EFNA5: variants seen among roughly 807,000 people sequenced by gnomAD.
EFNA5 encodes the protein ephrin-A5.
A neutral mutation model predicts 22.9 loss-of-function variants in EFNA5; 5 were observed. The ratio of observed to expected loss-of-function variants is 0.22; its 90% CI spans 0.11 to 0.46. The LOEUF is 0.46. Among genes scored for constraint, EFNA5 ranks in the 20% least tolerant of loss-of-function variants. The pLI is 0.99. For synonymous variants in EFNA5, 113 were observed against 112.2 expected, an observed-to-expected ratio of 1.01 and a Z score of -0.04; for missense variants, 237 against 293.3, an observed-to-expected ratio of 0.81 and a Z score of 1.40.
chr5:107,569,559 T>TTATATATATATATATATA (rs70996962), intron 1 of EFNA5, among the ~76,000 whole-genome samples: 47 of 42,442 alleles, frequency 1.1e-3, no homozygotes, highest in Admixed American at 1.6e-3. Context: ...ATATATATAT[T>TTATATATATATATATATA]TATATATATA....
At chr5:107,436,085 A>G (rs1580450316) in intron 1 of EFNA5, among the ~76,000 whole-genome samples, 1 of 152,236 alleles carries the variant, frequency 6.6e-6, no homozygotes, top group Non-Finnish European at 1.5e-5. Context: ...AAATTCACAT[A>G]GCTTTTGCCT....
At chr5:107,421,821 C>T (rs542063939) in intron 2 of EFNA5, among the ~76,000 whole-genome samples, 4 of 147,890 alleles carry the variant, frequency 2.7e-5, no homozygotes, top group Admixed American at 6.8e-5. Context: ...GACAGAGTTT[C>T]GCTCTTGTTG....
chr5:107,446,364 C>A (rs1341450367), intron 1 of EFNA5, among the ~76,000 whole-genome samples: 1 of 152,038 alleles, frequency 6.6e-6, no homozygotes, highest in African/African-American at 2.4e-5. Context: ...TCTCAAAGAT[C>A]CTGCAAAATA....
At chr5:107,381,705 C>A (rs1011255979) in intron 4 of EFNA5, among the ~76,000 whole-genome samples, 3 of 152,092 alleles carry the variant, frequency 2.0e-5, no homozygotes, top group South Asian at 2.1e-4. Context: ...TCTGAATGTA[C>A]CTTTGAAACC....
intron 1 of EFNA5, among the ~76,000 whole-genome samples, chr5:107,507,974 G>T (rs561021142): frequency 3.9e-5 from 6 of 152,188 alleles, no homozygotes; most frequent in African/African-American, 1.4e-4. Context: ...GGACAAGGTG[G>T]GATCTAACCA....
At chr5:107,441,434 C>A (rs116714085) in intron 1 of EFNA5, among the ~76,000 whole-genome samples, 95 of 152,314 alleles carry the variant, frequency 6.2e-4, no homozygotes, top group African/African-American at 2.2e-3. Context: ...TGCAGAAACA[C>A]CTTTTCCTTC....
At chr5:107,640,047 G>A (rs1750469939) in intron 1 of EFNA5, among the ~76,000 whole-genome samples, 1 of 152,146 alleles carries the variant, frequency 6.6e-6, no homozygotes, top group Non-Finnish European at 1.5e-5. Flanking sequence ...AGGAGGTTTG[G>A]GATATGCCTC....
At chr5:107,530,839 G>A (rs1331765353) in intron 1 of EFNA5, among the ~76,000 whole-genome samples, 1 of 152,184 alleles carries the variant, frequency 6.6e-6, no homozygotes, top group Non-Finnish European at 1.5e-5. Context: ...TGCTGTGACT[G>A]GCATACAGTA....
At chr5:107,457,198 C>T (rs960096627) in intron 1 of EFNA5, among the ~76,000 whole-genome samples, 2 of 152,106 alleles carry the variant, frequency 1.3e-5, no homozygotes, top group South Asian at 2.1e-4. Context: ...ATATACAACT[C>T]GCACAATGTT....
At chr5:107,506,564 G>A (rs1304893150) in intron 1 of EFNA5, among the ~76,000 whole-genome samples, 1 of 152,166 alleles carries the variant, frequency 6.6e-6, no homozygotes, top group African/African-American at 2.4e-5. Flanking sequence ...GGGGCCAGAT[G>A]AGCAGGAGCA....
chr5:107,606,049 A>G (rs989548422), intron 1 of EFNA5, among the ~76,000 whole-genome samples: 2 of 152,220 alleles, frequency 1.3e-5, no homozygotes, highest in Admixed American at 1.3e-4. Context: ...ATAGCACTCA[A>G]CAGGGCCCAC....
At chr5:107,577,069 A>G (rs1748942895) in intron 1 of EFNA5, among the ~76,000 whole-genome samples, 1 of 152,172 alleles carries the variant, frequency 6.6e-6, no homozygotes, top group Admixed American at 6.5e-5. Context: ...CTAGTGGCCA[A>G]CTACACCAGT....
At chr5:107,420,889 T>C (rs2112413894) in intron 2 of EFNA5, among the ~76,000 whole-genome samples, 1 of 152,338 alleles carries the variant, frequency 6.6e-6, no homozygotes, top group South Asian at 2.1e-4. Flanking sequence ...ATCCATATTA[T>C]GGAAAACTTG....
intron 1 of EFNA5, among the ~76,000 whole-genome samples, chr5:107,462,179 A>C (rs1420431388): frequency 6.6e-6 from 1 of 152,176 alleles, no homozygotes; most frequent in African/African-American, 2.4e-5. Flanking sequence ...TGTCATCTTC[A>C]CTGCAAAGAG....
chr5:107,421,369 A>C lies in EFNA5; in HGVS notation c.418+5848T>G, dbSNP rs555425786. ...TTAGTATCATTTTCAGAAAATGACA[A>C]TTGTCTTCTTTATTATAGATCTCTC... On this transcript the variant is annotated intron_variant, in intron 2 of 4. Transcript: ENST00000333274. 5.9e-5 allele frequency among the ~76,000 whole-genome samples: 9 copies of C among 152,266 alleles called. No individual in the cohort carries two copies. In the South Asian group the frequency reaches 1.9e-3, roughly 32 times the overall value.
intron 1 of EFNA5, among the ~76,000 whole-genome samples, chr5:107,597,565 CA>C (rs1233766442): frequency 6.6e-6 from 1 of 151,832 alleles, no homozygotes; most frequent in African/African-American, 2.4e-5. Context: ...TTACTTTTCA[CA>C]AACAAAAAAC....
intron 1 of EFNA5, among the ~76,000 whole-genome samples, chr5:107,532,490 G>A (rs530095019): frequency 3.2e-4 from 49 of 152,320 alleles, no homozygotes; most frequent in Middle Eastern, 6.8e-3. Context: ...GGAATTAGCC[G>A]GGTTAAATGA....
At chr5:107,450,588 T>G (rs1308389164) in intron 1 of EFNA5, among the ~76,000 whole-genome samples, 2 of 152,340 alleles carry the variant, frequency 1.3e-5, no homozygotes, top group East Asian at 3.9e-4. Context: ...TGTCTATAAT[T>G]GATAAAAGCA....
chr5:107,633,899 C>A (rs978718197), intron 1 of EFNA5, among the ~76,000 whole-genome samples: 1 of 152,018 alleles, frequency 6.6e-6, no homozygotes, highest in East Asian at 1.9e-4. Context: ...TAGATCTAGC[C>A]CAGGAAGTGC....
Sources: gnomAD v4.1 joint callset for allele counts (sites outside exome capture counted in the v4.1 genomes callset) on GRCh38, gnomAD v4.1.1 for gene constraint, MANE v1.5 for transcripts, NCBI Gene and HGNC (gene_info 2026-07-23, HGNC 2026-07-21) for gene names.